Variants in NOVA2 observed in about 807,000 individuals in gnomAD.
NOVA2 encodes NOVA alternative splicing regulator 2.
Under a neutral mutation model 22.5 loss-of-function variants are expected in NOVA2, and 9 were observed. The ratio of observed to expected loss-of-function variants is 0.40; its 90% CI spans 0.24 to 0.70. The LOEUF (loss-of-function observed/expected upper bound fraction) is 0.70. Ranked by LOEUF, NOVA2 falls within the 30% of genes least tolerant of loss-of-function variation. The pLI, the probability that NOVA2 is intolerant of heterozygous loss-of-function variation, is 0.38. For synonymous variants in NOVA2, 318 were observed against 335.2 expected, an observed-to-expected ratio of 0.95 and a Z score of 0.56; for missense variants, 383 against 682.8, an observed-to-expected ratio of 0.56 and a Z score of 4.89.
At position 45,947,330 on chromosome 19, in the gene NOVA2, T is replaced by C. The variant is rs191390607; in HGVS notation, c.397-6385A>G. On this transcript the variant is annotated intron_variant, in intron 3 of 3. Coordinates refer to ENST00000263257, the MANE Select transcript of NOVA2 (RefSeq NM_002516.4). ...CCACAGGCCCAAGCAGGAAGGCGAA[T>C]GGGTGGAGGCAGCAGGTGTATCTTA... is the stretch of plus-strand genomic sequence containing the variant. 1.3e-3 allele frequency among the ~76,000 whole-genome samples: 190 copies of C among 151,996 alleles called. 1 individual carries two copies. The highest frequency in any genetic ancestry group is 4.2e-3 in the African/African-American group (176 of 41,462).
At chr19:45,963,946 T>C (rs1968132233) in intron 1 of NOVA2, among the ~76,000 whole-genome samples, 1 of 152,096 alleles carries the variant, frequency 6.6e-6, no homozygotes, top group African/African-American at 2.4e-5. Flanking sequence ...TCAGAGTAAC[T>C]GATCACAGAG....
intron 1 of NOVA2, among the ~76,000 whole-genome samples, chr19:45,966,998 A>G (rs1053380067): frequency 6.6e-6 from 1 of 152,230 alleles, no homozygotes; most frequent in Non-Finnish European, 1.5e-5. Flanking sequence ...CAAAAATGAA[A>G]AAAAAGTTTG....
At chr19:45,948,880 C>A (rs934240656) in intron 3 of NOVA2, among the ~76,000 whole-genome samples, 9 of 152,114 alleles carry the variant, frequency 5.9e-5, no homozygotes, top group Middle Eastern at 3.4e-3. Flanking sequence ...GAGAAACAAC[C>A]CAAATGTCTA....
At chr19:45,948,831 C>T (rs1310597758) in intron 3 of NOVA2, among the ~76,000 whole-genome samples, 1 of 152,026 alleles carries the variant, frequency 6.6e-6, no homozygotes, top group Non-Finnish European at 1.5e-5. Context: ...AAGACTTGTA[C>T]ATGAATGTTC....
chr19:45,956,544 C>T (rs1968008826), intron 2 of NOVA2, among the ~76,000 whole-genome samples: 2 of 151,820 alleles, frequency 1.3e-5, no homozygotes, highest in South Asian at 2.1e-4. Flanking sequence ...GATCTCAGAT[C>T]ACGGCAACCT....
intron 2 of NOVA2, among the ~76,000 whole-genome samples, chr19:45,954,352 A>T (rs543369603): frequency 4.4e-4 from 67 of 152,284 alleles, no homozygotes; most frequent in African/African-American, 1.6e-3. Context: ...TCAGGCCTGC[A>T]ACGGTTGCCA....
intron 1 of NOVA2, among the ~76,000 whole-genome samples, chr19:45,972,442 G>A (rs1224851675): frequency 1.3e-5 from 2 of 151,652 alleles, no homozygotes; most frequent in African/African-American, 2.4e-5. Flanking sequence ...CAGCCCATTC[G>A]GTGTCCCCCA....
intron 2 of NOVA2, among the ~76,000 whole-genome samples, chr19:45,957,077 C>A (rs976651636): frequency 6.6e-6 from 1 of 152,056 alleles, no homozygotes; most frequent in Non-Finnish European, 1.5e-5. Context: ...AGAGTATGCA[C>A]GTTGATAGAG....
chr19:45,951,160 T>G (rs1258340078), intron 3 of NOVA2, among the ~76,000 whole-genome samples: 1 of 152,180 alleles, frequency 6.6e-6, no homozygotes, highest in Admixed American at 6.5e-5. Flanking sequence ...CCATACATGT[T>G]TTTTTGACCT....
chr19:45,962,934 C>CCGGT (rs1343337233), intron 1 of NOVA2, among the ~76,000 whole-genome samples: 5 of 151,974 alleles, frequency 3.3e-5, no homozygotes, highest in African/African-American at 1.2e-4. Flanking sequence ...AGGCGTGAGC[C>CCGGT]ACCGCACCTT....
chr19:45,940,295 A>G lies in NOVA2; in HGVS notation c.1047T>C (p.Pro349=). 8.9e-7 allele frequency: 1 copy of G among 1,122,868 alleles called. No homozygotes were observed. Among genetic ancestry groups the G allele is most frequent in the Non-Finnish European group, 1.1e-6 (1 of 922,278 alleles). The allele number at this position is 1,122,868 out of a possible 1,614,324, so 69.6% of individuals were successfully genotyped here. Residue 349 remains proline (P), a synonymous_variant, in exon 4 of 4, where the codon CCT becomes CCC. Transcript: ENST00000263257. Reference sequence around the variant, plus strand: ...ACGCAAAGGACCCCAGGGCTCCGGGAGGCGGGGGCGGCGGCGGGGCGGCCC... The same window carrying G: ...ACGCAAAGGACCCCAGGGCTCCGGGGGGCGGGGGCGGCGGCGGGGCGGCCC... ...AGGAAPPPPP[P]PGALGSFALA...
chr19:45,973,392 T>C lies in NOVA2; in HGVS notation c.-41A>G. The C allele has an allele frequency of 3.6e-6, 2 of 562,116 alleles. No homozygotes were observed. The highest frequency in any genetic ancestry group is 4.8e-6 in the Non-Finnish European group (2 of 415,248). 34.8% of individuals were successfully genotyped at this position (562,116 alleles called of 1,614,324 possible). On this transcript the variant is annotated 5_prime_UTR_variant, in exon 1 of 4. Transcript: ENST00000263257. ...CGGCGGCTGCTGCTGCTGCGGCGGC[T>C]GCGGCGGCGGCGGCGGCGGCTGCTG...
chr19:45,943,717 CAAA>C (rs35569023), intron 3 of NOVA2, among the ~76,000 whole-genome samples: 4 of 125,234 alleles, frequency 3.2e-5, no homozygotes, highest in African/African-American at 1.2e-4. Context: ...AACCCTGACT[CAAA>C]AAAAAAAAAA....
At chr19:45,972,031 T>G (rs1968238968) in intron 1 of NOVA2, among the ~76,000 whole-genome samples, 1 of 151,930 alleles carries the variant, frequency 6.6e-6, no homozygotes, top group Non-Finnish European at 1.5e-5. Context: ...CAGCCTCCCT[T>G]GTCAAACACA....
chr19:45,960,627 G>C (rs1968080494), intron 2 of NOVA2, among the ~76,000 whole-genome samples: 1 of 151,940 alleles, frequency 6.6e-6, no homozygotes, highest in East Asian at 2.0e-4. Context: ...GAATTCCAAA[G>C]GGGGGAGCAA....
chr19:45,964,418 G>C (rs1265815995), intron 1 of NOVA2, among the ~76,000 whole-genome samples: 1 of 148,666 alleles, frequency 6.7e-6, no homozygotes, highest in Non-Finnish European at 1.5e-5. Context: ...TAGAGATGGG[G>C]TTTCACCATG....
intron 3 of NOVA2, among the ~76,000 whole-genome samples, chr19:45,953,098 G>A (rs1211598005): frequency 6.6e-6 from 1 of 152,176 alleles, no homozygotes; most frequent in Non-Finnish European, 1.5e-5. Flanking sequence ...TTCCGGGTCC[G>A]GACAGCGCTG....
chr19:45,973,383 TGCGGCGGCTGCGGCG>T lies in NOVA2; in HGVS notation c.-47_-33del, dbSNP rs1968260415. The T allele has an allele frequency of 6.7e-6, 4 of 594,794 alleles. No homozygotes were observed. The East Asian group carries it at 2.0e-4, about 30-fold the overall frequency. 36.8% of individuals were successfully genotyped at this position (594,794 alleles called of 1,614,324 possible). On this transcript the variant is annotated 5_prime_UTR_variant, in exon 1 of 4. Coordinates refer to ENST00000263257, the MANE Select transcript of NOVA2 (RefSeq NM_002516.4). ...GGCCTGGGGCGGCGGCTGCTGCTGC[TGCGGCGGCTGCGGCG>T]GCGGCGGCGGCGGCTGCTGTGGCGG...
intron 3 of NOVA2, among the ~76,000 whole-genome samples, chr19:45,943,415 TA>T (rs1967790902): frequency 6.6e-6 from 1 of 151,070 alleles, no homozygotes; most frequent in Admixed American, 6.6e-5. Flanking sequence ...AGCCTGTTTT[TA>T]AATCTCTGAG....
Sources: allele counts gnomAD v4.1 joint callset (sites outside exome capture counted in the v4.1 genomes callset), GRCh38; gene constraint gnomAD v4.1.1; transcripts MANE v1.5; gene names NCBI Gene and HGNC (gene_info 2026-07-23, HGNC 2026-07-21).